The following XKR9 variants were observed in gnomAD, a reference collection of about 807,000 sequenced individuals.
XKR9 encodes the protein XK related 9.
In XKR9, 32 loss-of-function variants were observed where a neutral mutation model predicts 32.0. The observed-to-expected ratio is 1.00, with a 90% CI of 0.76 to 1.34. XKR9 has a LOEUF of 1.34. Among genes scored for constraint, XKR9 ranks in the 40% most tolerant of loss-of-function variants. The pLI, the probability that XKR9 is intolerant of heterozygous loss-of-function variation, is 0.00. For missense variants in XKR9, 546 were observed against 429.7 expected, an observed-to-expected ratio of 1.27 and a Z score of -2.39; for synonymous variants, 168 against 143.4, an observed-to-expected ratio of 1.17 and a Z score of -1.22.
chr8:70,970,551 GAA>G, the XKR9 span, among the ~76,000 whole-genome samples: 1 of 152,000 alleles, frequency 6.6e-6, no homozygotes, highest in African/African-American at 2.4e-5. Flanking sequence ...TCCCACTTAT[GAA>G]TGAGAACATA....
At chr8:70,874,027 G>A in the XKR9 span, among the ~76,000 whole-genome samples, 1 of 152,132 alleles carries the variant, frequency 6.6e-6, no homozygotes, top group Non-Finnish European at 1.5e-5. Context: ...ATGACTTATT[G>A]AAGGCTCAGA....
the XKR9 span, among the ~76,000 whole-genome samples, chr8:70,829,593 C>G: frequency 6.6e-6 from 1 of 152,128 alleles, no homozygotes; most frequent in Non-Finnish European, 1.5e-5. Context: ...GGACTACAGG[C>G]GCCCGCTACC....
chr8:70,989,877 C>A, the XKR9 span, among the ~76,000 whole-genome samples: 1 of 152,194 alleles, frequency 6.6e-6, no homozygotes, highest in Non-Finnish European at 1.5e-5. Context: ...CTCTGATGTA[C>A]TTTATGCTTC....
chr8:70,673,956 A>G (rs1168190338), intron 1 of XKR9, among the ~76,000 whole-genome samples: 2 of 152,188 alleles, frequency 1.3e-5, no homozygotes, highest in Non-Finnish European at 2.9e-5. Context: ...TTAAAAATGA[A>G]TAAGATAATC....
chr8:70,938,852 G>C, the XKR9 span, among the ~76,000 whole-genome samples: 1 of 151,986 alleles, frequency 6.6e-6, no homozygotes, highest in Admixed American at 6.6e-5. Context: ...CTCCATGTAG[G>C]GGGCTAGGGG....
At chr8:70,952,671 G>T in the XKR9 span, among the ~76,000 whole-genome samples, 1 of 152,178 alleles carries the variant, frequency 6.6e-6, no homozygotes, top group African/African-American at 2.4e-5. Context: ...TGGAGACAGG[G>T]TCATGGAAGT....
intron 1 of XKR9, chr8:70,670,733 G>T (rs867362018): frequency 3.9e-5 from 6 of 152,022 alleles, no homozygotes; most frequent in African/African-American, 1.2e-4. Context: ...AAAAATCATC[G>T]CTGAAATAAT....
chr8:70,802,266 A>G, the XKR9 span, among the ~76,000 whole-genome samples: 2 of 152,068 alleles, frequency 1.3e-5, no homozygotes, highest in Non-Finnish European at 2.9e-5. Flanking sequence ...TTGCTGGTTT[A>G]ACATCTGTTT....
chr8:71,048,032 T>C, the XKR9 span, among the ~76,000 whole-genome samples: 1 of 152,220 alleles, frequency 6.6e-6, no homozygotes, highest in East Asian at 1.9e-4. Context: ...TCTCTGTCAG[T>C]GCCTTCTAGA....
chr8:71,048,033 G>A, the XKR9 span, among the ~76,000 whole-genome samples: 8 of 152,128 alleles, frequency 5.3e-5, no homozygotes, highest in Admixed American at 3.3e-4. Flanking sequence ...CTCTGTCAGT[G>A]CCTTCTAGAA....
chr8:70,904,324 G>T, the XKR9 span, among the ~76,000 whole-genome samples: 4 of 152,072 alleles, frequency 2.6e-5, no homozygotes, highest in African/African-American at 7.2e-5. Flanking sequence ...TGTATATTTG[G>T]GATAGTGAGC....
At chr8:70,935,208 T>TACACACACACAC in the XKR9 span, among the ~76,000 whole-genome samples, 6 of 145,490 alleles carry the variant, frequency 4.1e-5, no homozygotes, top group African/African-American at 1.3e-4. Context: ...TATACATATA[T>TACACACACACAC]ACACACACAC....
At chr8:70,889,176 C>A in the XKR9 span, among the ~76,000 whole-genome samples, 7 of 151,506 alleles carry the variant, frequency 4.6e-5, no homozygotes, top group African/African-American at 2.4e-5. Flanking sequence ...TCCTTAATTA[C>A]ATTTATTCCT....
At chr8:70,805,066 C>G in the XKR9 span, among the ~76,000 whole-genome samples, 1 of 152,184 alleles carries the variant, frequency 6.6e-6, no homozygotes, top group Non-Finnish European at 1.5e-5. Context: ...AAATCCTTCA[C>G]TGGCAACCAA....
At chr8:70,759,176 A>G (rs1460698270) in intron 2 of XKR9, among the ~76,000 whole-genome samples, 1 of 152,178 alleles carries the variant, frequency 6.6e-6, no homozygotes, top group Non-Finnish European at 1.5e-5. Context: ...TTTTGCTAGA[A>G]TTTTCTTGCC....
chr8:70,738,387 T>C (rs181400890), downstream of XKR9, among the ~76,000 whole-genome samples: 656 of 148,798 alleles, frequency 4.4e-3, 21 homozygotes, highest in Admixed American at 0.038. Context: ...TTGCTAGCGG[T>C]CTATCAATTT....
intron 2 of XKR9, among the ~76,000 whole-genome samples, chr8:70,786,854 T>A (rs989265871): frequency 6.6e-6 from 1 of 152,166 alleles, no homozygotes; most frequent in Non-Finnish European, 1.5e-5. Context: ...TTTCCTCCTG[T>A]CTTACTGTCT....
At chr8:70,884,988 G>T in the XKR9 span, among the ~76,000 whole-genome samples, 1 of 152,006 alleles carries the variant, frequency 6.6e-6, no homozygotes, top group Non-Finnish European at 1.5e-5. Context: ...TCTTAATATT[G>T]AATCTTTCTA....
the XKR9 span, among the ~76,000 whole-genome samples, chr8:70,918,068 G>A: frequency 4.6e-4 from 70 of 152,348 alleles, no homozygotes; most frequent in African/African-American, 1.6e-3. Context: ...GGAAAGCGTT[G>A]AGGGACAGTG....
Sources: allele counts gnomAD v4.1 joint callset (sites outside exome capture counted in the v4.1 genomes callset), GRCh38; gene constraint gnomAD v4.1.1; transcripts MANE v1.5; gene names NCBI Gene and HGNC (gene_info 2026-07-23, HGNC 2026-07-21).